The following CDYL variants were observed in gnomAD, a reference collection of about 807,000 sequenced individuals.
CDYL encodes the protein chromodomain Y like, also known as chromodomain Y-like protein.
In CDYL, 8 loss-of-function variants were observed where a neutral mutation model predicts 47.3. That is an observed-to-expected ratio of 0.17 (90% CI 0.10 to 0.31). CDYL has a LOEUF of 0.31. Ranked by LOEUF, CDYL falls within the 10% of genes least tolerant of loss-of-function variation. CDYL has a pLI of 1.00. For missense variants in CDYL, 471 were observed against 701.4 expected (o/e 0.67, Z 3.71); for synonymous variants, 266 against 265.0 (o/e 1.00, Z -0.04).
chr6:4,924,592 G>T (rs1757810980), intron 2 of CDYL, among the ~76,000 whole-genome samples: 1 of 152,156 alleles, frequency 6.6e-6, no homozygotes, highest in South Asian at 2.1e-4. Flanking sequence ...TTGAGCTCTT[G>T]CTGGTTGGTT....
rs187704444 is a variant in CDYL, at chr6:4,805,998, G to T, written c.24+29191G>T. ...TACAGAGGGGCAGCTGCAGCAAGCC[G>T]CTGGCGCAGGAGCATGAGGAAGGAG... On this transcript the variant is annotated intron_variant, in intron 1 of 6. Coordinates refer to ENST00000397588, the MANE Select transcript of CDYL (RefSeq NM_004824.4). 2.6e-5 allele frequency among the ~76,000 whole-genome samples: 4 copies of T among 152,256 alleles called. No individual in the cohort carries two copies. The South Asian group carries it at 6.2e-4, about 24-fold the overall frequency.
rs1229965638 is a variant in CDYL, at chr6:4,895,445, ATG to A, written c.691+3067_691+3068del. Among the ~76,000 whole-genome samples, 43 of 88,726 alleles carry A rather than the reference ATG, an allele frequency of 4.8e-4. 18 individuals are homozygous for A. Among genetic ancestry groups the A allele is most frequent in the African/African-American group, 1.7e-3 (43 of 25,554 alleles). 58.2% of individuals were successfully genotyped at this position (88,726 alleles called of 152,430 possible). ...TGCATGTATACATGTATACGTATAT[ATG>A]CATATATACATGTATACATATATAC... is the stretch of plus-strand genomic sequence containing the variant. On this transcript the variant is annotated intron_variant, in intron 2 of 6. Transcript: ENST00000397588.
chr6:4,906,272 T>G (rs1173805034), intron 2 of CDYL, among the ~76,000 whole-genome samples: 1 of 152,260 alleles, frequency 6.6e-6, no homozygotes, highest in African/African-American at 2.4e-5. Context: ...GCATGACACT[T>G]TCAGCAAAGT....
chr6:4,848,968 A>G (rs1249820587), intron 1 of CDYL, among the ~76,000 whole-genome samples: 3 of 152,272 alleles, frequency 2.0e-5, no homozygotes, highest in Admixed American at 1.3e-4. Context: ...CATTCTTTGC[A>G]TAACAGCAAA....
chr6:4,943,951 T>C (rs1369999408), intron 5 of CDYL, 195 bp downstream of exon 5: 6 of 495,662 alleles, frequency 1.2e-5, no homozygotes, highest in Non-Finnish European at 2.1e-5. Flanking sequence ...CTTCATTCAC[T>C]GAGGAGCCTA....
At chr6:4,873,162 A>G (rs1283661070) in intron 1 of CDYL, among the ~76,000 whole-genome samples, 2 of 152,248 alleles carry the variant, frequency 1.3e-5, no homozygotes, top group South Asian at 4.1e-4. Flanking sequence ...ACCAGACACC[A>G]TTCTGCACTT....
chr6:4,939,611 T>G (rs1000853539), intron 4 of CDYL, among the ~76,000 whole-genome samples: 1 of 152,208 alleles, frequency 6.6e-6, no homozygotes, highest in Non-Finnish European at 1.5e-5. Flanking sequence ...AAGTATTGTT[T>G]CTAATCTCCT....
At chr6:4,895,081 G>A (rs1243381493) in intron 2 of CDYL, among the ~76,000 whole-genome samples, 1 of 140,514 alleles carries the variant, frequency 7.1e-6, no homozygotes, top group Non-Finnish European at 1.6e-5. Flanking sequence ...GTATCTATAT[G>A]CACATATATG....
intron 1 of CDYL, among the ~76,000 whole-genome samples, chr6:4,805,071 G>GA (rs1223170127): frequency 6.6e-6 from 1 of 152,098 alleles, no homozygotes; most frequent in Non-Finnish European, 1.5e-5. Flanking sequence ...CAAAAACCCA[G>GA]AAAACAGACT....
At chr6:4,775,595 G>C (rs569819395), upstream of CDYL, among the ~76,000 whole-genome samples, 1 of 152,028 alleles carries the variant, frequency 6.6e-6, no homozygotes, top group South Asian at 2.1e-4. This position sits in a 1 kb window ranked among gnomAD's most constrained non-coding sequence, Gnocchi z 7.0. Flanking sequence ...GGCGTGGGGG[G>C]AGCTGCGGGC....
chr6:4,845,256 T>C (rs1760622904), intron 1 of CDYL, among the ~76,000 whole-genome samples: 1 of 152,190 alleles, frequency 6.6e-6, no homozygotes, highest in South Asian at 2.1e-4. Flanking sequence ...TCCAGCTGAT[T>C]TTGAACAAAA....
upstream of CDYL, among the ~76,000 whole-genome samples, chr6:4,772,083 A>C (rs1402018735): frequency 6.6e-6 from 1 of 152,250 alleles, no homozygotes; most frequent in Non-Finnish European, 1.5e-5. Context: ...TAGAAAAAGG[A>C]ACCGTACTTA....
intron 2 of CDYL, among the ~76,000 whole-genome samples, chr6:4,894,359 G>C (rs543449626): frequency 4.6e-5 from 7 of 152,278 alleles, no homozygotes; most frequent in Admixed American, 2.6e-4. Flanking sequence ...CTACCAAAAA[G>C]GACTGATGAG....
chr6:4,739,231 G>A (rs1350897627), intron 3 of CDYL, among the ~76,000 whole-genome samples: 1 of 142,614 alleles, frequency 7.0e-6, no homozygotes, highest in African/African-American at 2.5e-5. Context: ...TAAAAACAAT[G>A]TTGAGGCCAG....
chr6:4,753,660 G>A (rs968303215), intron 3 of CDYL, among the ~76,000 whole-genome samples: 1 of 152,150 alleles, frequency 6.6e-6, no homozygotes, highest in Non-Finnish European at 1.5e-5. Context: ...AGACCCAACT[G>A]TAAGAAATGC....
chr6:4,822,379 A>C (rs1759865133), intron 1 of CDYL, among the ~76,000 whole-genome samples: 1 of 151,558 alleles, frequency 6.6e-6, no homozygotes, highest in South Asian at 2.1e-4. Flanking sequence ...CTTAAATAGA[A>C]ATATAAAAAG....
chr6:4,942,382 T>C (rs1339830930), intron 4 of CDYL, among the ~76,000 whole-genome samples: 1 of 152,136 alleles, frequency 6.6e-6, no homozygotes, highest in Admixed American at 6.5e-5. Context: ...GGGAGCTATC[T>C]CAGATGCTGA....
At chr6:4,736,906 G>A (rs941722966) in intron 3 of CDYL, among the ~76,000 whole-genome samples, 4 of 152,152 alleles carry the variant, frequency 2.6e-5, no homozygotes, top group African/African-American at 9.7e-5. Flanking sequence ...GTGGTAAACA[G>A]AATACACTGA....
At chr6:4,882,181 G>A (rs1761781914) in intron 1 of CDYL, among the ~76,000 whole-genome samples, 1 of 152,176 alleles carries the variant, frequency 6.6e-6, no homozygotes, top group South Asian at 2.1e-4. Flanking sequence ...CTTGTCGTCT[G>A]TGAGCGTTCT....
Sources: allele counts gnomAD v4.1 joint callset (sites outside exome capture counted in the v4.1 genomes callset), GRCh38; gene constraint gnomAD v4.1.1; non-coding constraint Gnocchi (gnomAD v3.1); transcripts MANE v1.5; gene names NCBI Gene and HGNC (gene_info 2026-07-23, HGNC 2026-07-21).